Variants in PTPRD observed in about 807,000 individuals in gnomAD.
PTPRD encodes the protein receptor-type tyrosine-protein phosphatase delta.
PTPRD carries 34 observed loss-of-function variants against 214.5 expected under a neutral mutation model. The ratio of observed to expected loss-of-function variants is 0.16; its 90% CI spans 0.12 to 0.21. PTPRD has a LOEUF of 0.21. PTPRD is among the 10% of genes least tolerant of loss of function. The pLI is 1.00. For synonymous variants in PTPRD, 1,128 were observed against 845.7 expected (o/e 1.33, Z -5.79); for missense variants, 2,545 against 2,398.7 (o/e 1.06, Z -1.27).
chr9:8,777,348 A>G (rs1184740548), intron 11 of PTPRD, among the ~76,000 whole-genome samples: 5 of 151,650 alleles, frequency 3.3e-5, no homozygotes, highest in Non-Finnish European at 4.4e-5. Flanking sequence ...TTTGTCTTTT[A>G]TATTTCCTTC....
chr9:8,624,160 A>T (rs2095924864), intron 14 of PTPRD, among the ~76,000 whole-genome samples: 1 of 151,910 alleles, frequency 6.6e-6, no homozygotes, highest in South Asian at 2.1e-4. Context: ...ATGTATAAGC[A>T]TTCTGAAGAA....
At position 9,533,980 on chromosome 9, in the gene PTPRD, AAT is replaced by A. The variant is rs1192927798; in HGVS notation, c.-237+40750_-237+40751del. Among the ~76,000 whole-genome samples the A allele has an allele frequency of 1.4e-4, 22 of 152,188 alleles. 1 individual carries two copies. Among genetic ancestry groups the A allele is most frequent in the African/African-American group, 5.3e-4 (22 of 41,540 alleles). The stretch of plus-strand genomic sequence containing the variant: ...TATGATGTGTCAAGCTCATTTAAAA[AAT>A]ATGTTAAAATTGCTAAATAAACAGT... On this transcript the variant is annotated intron_variant, in intron 8 of 45. Coordinates refer to ENST00000381196, the MANE Select transcript of PTPRD (RefSeq NM_002839.4).
chr9:10,111,037 T>C (rs952721467), intron 3 of PTPRD, among the ~76,000 whole-genome samples: 6 of 152,120 alleles, frequency 3.9e-5, no homozygotes, highest in Non-Finnish European at 5.9e-5. Flanking sequence ...CTAGAACTGT[T>C]TACTTTCTGT....
intron 10 of PTPRD, among the ~76,000 whole-genome samples, chr9:9,069,609 G>A (rs1343883267): frequency 1.3e-5 from 2 of 152,320 alleles, no homozygotes; most frequent in East Asian, 3.9e-4. Flanking sequence ...AGCCAGCAAA[G>A]TTATAAACTC....
chr9:8,953,123 G>A (rs541822373), intron 11 of PTPRD, among the ~76,000 whole-genome samples: 1 of 151,880 alleles, frequency 6.6e-6, no homozygotes, highest in East Asian at 1.9e-4. Flanking sequence ...AGATGTGCAG[G>A]ATGCTATGGG....
At chr9:8,831,360 T>A (rs2097287302) in intron 11 of PTPRD, among the ~76,000 whole-genome samples, 1 of 152,210 alleles carries the variant, frequency 6.6e-6, no homozygotes, top group African/African-American at 2.4e-5. Context: ...TTACTCTGTA[T>A]CAAAATACAC....
chr9:9,692,601 C>A (rs988076660), intron 7 of PTPRD, among the ~76,000 whole-genome samples: 23 of 150,848 alleles, frequency 1.5e-4, no homozygotes, highest in African/African-American at 5.6e-4. Context: ...CATAGCTTGG[C>A]TAGTCTGGAT....
At chr9:10,073,601 G>C (rs958340885) in intron 3 of PTPRD, among the ~76,000 whole-genome samples, 1 of 152,076 alleles carries the variant, frequency 6.6e-6, no homozygotes, top group Non-Finnish European at 1.5e-5. Flanking sequence ...ATGGCAGTTG[G>C]AAGATGGTTG....
chr9:10,607,567 G>A (rs73642029), intron 2 of PTPRD, among the ~76,000 whole-genome samples: 12,312 of 151,670 alleles, frequency 0.081, 1,159 homozygotes, highest in African/African-American at 0.23. Flanking sequence ...AATAAGTATA[G>A]CATGATCTCC....
chr9:9,003,307 C>G (rs768373234), intron 11 of PTPRD, among the ~76,000 whole-genome samples: 1 of 151,954 alleles, frequency 6.6e-6, no homozygotes, highest in Non-Finnish European at 1.5e-5. Context: ...ACAGCTGAAT[C>G]TAAATCCCTA....
rs965169837 is a variant in PTPRD at position 10,400,283 on chromosome 9, G to A, written c.-599-59266C>T. 4.6e-5 allele frequency among the ~76,000 whole-genome samples: 7 copies of A among 151,814 alleles called. No individual in the cohort carries two copies. In the East Asian group the frequency reaches 1.4e-3, roughly 29 times the overall value. ...TAACAGATATTAAGTATTTACAACA[G>A]AGAAAGTCTTCAATAAATGGGGTTA... is the stretch of plus-strand genomic sequence containing the variant. On this transcript the variant is annotated intron_variant, in intron 2 of 45. Transcript: ENST00000381196.
chr9:9,585,312 G>T (rs762874485), intron 7 of PTPRD, among the ~76,000 whole-genome samples: 1 of 152,072 alleles, frequency 6.6e-6, no homozygotes, highest in African/African-American at 2.4e-5. Flanking sequence ...TTCGGATCCT[G>T]TCCTTTTTCT....
intron 7 of PTPRD, among the ~76,000 whole-genome samples, chr9:9,721,858 A>G (rs2097955415): frequency 6.6e-6 from 1 of 152,118 alleles, no homozygotes; most frequent in South Asian, 2.1e-4. Flanking sequence ...TGGAATGAAC[A>G]GTAATAATCA....
At chr9:8,321,461 T>G (rs1480589213) in intron 44 of PTPRD, among the ~76,000 whole-genome samples, 2 of 86,614 alleles carry the variant, frequency 2.3e-5, no homozygotes, top group African/African-American at 5.4e-5. Context: ...GAAGTCTTCT[T>G]TGTGTGTGTG....
At chr9:10,347,674 T>G (rs1296481431) in intron 2 of PTPRD, among the ~76,000 whole-genome samples, 1 of 151,962 alleles carries the variant, frequency 6.6e-6, no homozygotes, top group Admixed American at 6.6e-5. Context: ...CCTCCCAAAG[T>G]GCTGAGATTA....
chr9:10,022,945 T>A (rs1023294938), intron 4 of PTPRD, among the ~76,000 whole-genome samples: 1 of 152,206 alleles, frequency 6.6e-6, no homozygotes, highest in Admixed American at 6.5e-5. Flanking sequence ...AAACATCTTA[T>A]ACTGGCTTTA....
At chr9:8,318,047 G>A (rs1393949044) in intron 45 of PTPRD, 105 bp from the exon 46 acceptor site, 9 of 1,092,118 alleles carry the variant, frequency 8.2e-6, no homozygotes, top group East Asian at 7.7e-5. Context: ...TCTATATAGG[G>A]GCAAAATCAC....
intron 34 of PTPRD, among the ~76,000 whole-genome samples, chr9:8,439,926 T>A (rs1237517036): frequency 2.0e-5 from 3 of 147,564 alleles, no homozygotes; most frequent in Non-Finnish European, 4.5e-5. Flanking sequence ...AATTACTTGA[T>A]GTGCTTTAAT....
At chr9:9,393,641 C>G (rs376609156) in intron 9 of PTPRD, among the ~76,000 whole-genome samples, 2 of 152,110 alleles carry the variant, frequency 1.3e-5, no homozygotes, top group Non-Finnish European at 2.9e-5. Context: ...TCCATAGCAA[C>G]AGATAATTGA....
Sources: allele counts gnomAD v4.1 joint callset (sites outside exome capture counted in the v4.1 genomes callset), GRCh38; gene constraint gnomAD v4.1.1; transcripts MANE v1.5; gene names NCBI Gene and HGNC (gene_info 2026-07-23, HGNC 2026-07-21).